Variants in PRMT8 observed in about 807,000 individuals in gnomAD.
PRMT8 encodes protein arginine methyltransferase 8.
In PRMT8, 7 loss-of-function variants were observed where a neutral mutation model predicts 47.1. The ratio of observed to expected loss-of-function variants is 0.15; its 90% CI spans 0.08 to 0.28. The LOEUF is 0.28. PRMT8 is among the 10% of genes least tolerant of loss of function. The probability of loss-of-function intolerance (pLI) is 1.00; values close to 1 mark genes in which losing one functional copy is unlikely to be tolerated. For missense variants in PRMT8, 237 were observed against 505.4 expected, an observed-to-expected ratio of 0.47 and a Z score of 5.09; for synonymous variants, 188 against 186.5, an observed-to-expected ratio of 1.01 and a Z score of -0.07.
At chr12:3,430,584 T>G (rs1236966182) in intron 1 of PRMT8, among the ~76,000 whole-genome samples, 1 of 152,138 alleles carries the variant, frequency 6.6e-6, no homozygotes, top group Non-Finnish European at 1.5e-5. Context: ...AAACCTTAAG[T>G]CTCTTTCCCT....
At chr12:3,429,632 G>C (rs957215284) in intron 1 of PRMT8, among the ~76,000 whole-genome samples, 4 of 152,252 alleles carry the variant, frequency 2.6e-5, no homozygotes, top group Middle Eastern at 3.2e-3. Context: ...CAAAGTGACA[G>C]TACAGGCATG....
rs1431310921 is a variant in PRMT8, at chr12:3,568,802, A to G, written c.578A>G (p.Tyr193Cys). Residue 193 changes from tyrosine to cysteine, a missense_variant, in exon 5 of 10, where the codon TAT becomes TGT. Physicochemically the swap from Tyr to Cys is radical, Grantham distance 194. Transcript: ENST00000382622. ...GAGTGGATGGGCTACTGTCTGTTCTATGAGTCCATGCTCAACACGGTGATC... is the reference window on the plus strand; with the variant it reads ...GAGTGGATGGGCTACTGTCTGTTCTGTGAGTCCATGCTCAACACGGTGATC... ...ISEWMGYCLF[Y>C]ESMLNTVIFA... The G allele has an allele frequency of 1.9e-6, 3 of 1,614,094 alleles. No homozygotes were observed. Among genetic ancestry groups the G allele is most frequent in the Non-Finnish European group, 2.5e-6 (3 of 1,180,050 alleles).
intron 8 of PRMT8, among the ~76,000 whole-genome samples, chr12:3,587,628 T>C (rs1205598710): frequency 6.6e-6 from 1 of 152,166 alleles, no homozygotes; most frequent in Non-Finnish European, 1.5e-5. Context: ...CTGAATTTTG[T>C]GTTCCTTATT....
intron 1 of PRMT8, among the ~76,000 whole-genome samples, chr12:3,412,755 A>G (rs1159105576): frequency 6.6e-6 from 1 of 152,152 alleles, no homozygotes; most frequent in East Asian, 1.9e-4. Flanking sequence ...AGATAACTGA[A>G]TTATGGATGC....
intron 1 of PRMT8, among the ~76,000 whole-genome samples, chr12:3,520,694 A>G (rs943347001): frequency 2.7e-4 from 41 of 152,352 alleles, no homozygotes; most frequent in Admixed American, 8.5e-4. Flanking sequence ...ATCCTTATGT[A>G]AAAAAGGTAA....
chr12:3,429,918 G>A (rs770777047), intron 1 of PRMT8, among the ~76,000 whole-genome samples: 118 of 152,358 alleles, frequency 7.7e-4, no homozygotes, highest in Non-Finnish European at 1.5e-3. Context: ...AGCTGCCTAA[G>A]GGGCTGCCTC....
rs557368336 is a variant in PRMT8 at position 3,415,415 on chromosome 12, C to G, written c.48+33973C>G. Among the ~76,000 whole-genome samples the G allele has an allele frequency of 9.8e-5, 15 of 152,300 alleles. No homozygotes were observed. In the East Asian group the frequency reaches 1.2e-3, roughly 12 times the overall value. On this transcript the variant is annotated intron_variant, in intron 1 of 9. Transcript: ENST00000452611. ...TTAACCTTCAGCCCCTCTCCCTTCC[C>G]TAGAGTCATGAGGTGGGGCTGAAAG...
At chr12:3,530,592 A>G (rs1385925225) in intron 1 of PRMT8, among the ~76,000 whole-genome samples, 1 of 152,162 alleles carries the variant, frequency 6.6e-6, no homozygotes, top group Admixed American at 6.5e-5. Flanking sequence ...TACCTTCCTA[A>G]AGATATCAAT....
chr12:3,559,593 C>T, intron 4 of PRMT8, among the ~76,000 whole-genome samples: 1 of 152,208 alleles, frequency 6.6e-6, no homozygotes, highest in East Asian at 1.9e-4. Flanking sequence ...ATTTCTACCT[C>T]CTTTCTCTAC....
At position 3,540,619 on chromosome 12, in the gene PRMT8, C is replaced by CCG; in HGVS notation, c.90_91insGC (p.Ser31AlafsTer36). The CCG allele has an allele frequency of 1.7e-6, 2 of 1,174,308 alleles. No homozygotes were observed. Among genetic ancestry groups the CCG allele is most frequent in the Non-Finnish European group, 2.5e-6 (2 of 789,590 alleles). The allele number at this position is 1,174,308 out of a possible 1,614,324, so 72.7% of individuals were successfully genotyped here. A position where few individuals can be genotyped will look rare whatever the true frequency, so the allele number is the denominator to read the frequency against. ...TCTTCCCCTCAGGTGAACAGCCCCC[C>CCG]CTCCCAGCCCCCCCAGCCCGTCGTC... On this transcript the variant is annotated frameshift_variant, in exon 2 of 10. Transcript: ENST00000382622. LOFTEE classifies it high-confidence loss of function.
At position 3,392,894 on chromosome 12, in the gene PRMT8, G is replaced by A. The variant is rs956514510; in HGVS notation, c.48+11452G>A. Among the ~76,000 whole-genome samples, 82 of 152,126 alleles carry A rather than the reference G, an allele frequency of 5.4e-4. 2 individuals are homozygous for A. The highest frequency in any genetic ancestry group is 1.3e-4 in the Non-Finnish European group (9 of 68,024). ...ACTTGATGTTTCCTGACTTTTTAAT[G>A]ATCGCCATTCTAACTGGTGTGAGAT... On this transcript the variant is annotated intron_variant, in intron 1 of 9. Coordinates refer to the PRMT8 transcript ENST00000452611.
At chr12:3,382,595 C>A (rs116718321) in intron 1 of PRMT8, among the ~76,000 whole-genome samples, 2,010 of 152,016 alleles carry the variant, frequency 0.013, 42 homozygotes, top group African/African-American at 0.046. Flanking sequence ...TTTAAGAGTT[C>A]TTATGTATTA....
At chr12:3,404,278 G>T (rs1436408737) in intron 1 of PRMT8, among the ~76,000 whole-genome samples, 2 of 151,912 alleles carry the variant, frequency 1.3e-5, no homozygotes, top group African/African-American at 2.4e-5. Context: ...AAACATTTTA[G>T]CTTCCTTCAA....
At chr12:3,592,542 G>A (rs561649734) in intron 9 of PRMT8, among the ~76,000 whole-genome samples, 190 bp downstream of exon 9, 57 of 152,166 alleles carry the variant, frequency 3.7e-4, no homozygotes, top group African/African-American at 1.3e-3. Context: ...TCAAAACTCC[G>A]CAAATAGAGG....
At chr12:3,532,206 T>C (rs1866041977) in intron 1 of PRMT8, among the ~76,000 whole-genome samples, 1 of 151,248 alleles carries the variant, frequency 6.6e-6, no homozygotes, top group Middle Eastern at 3.2e-3. Flanking sequence ...CAGCCATAAA[T>C]GTGATAGTAG....
upstream of PRMT8, among the ~76,000 whole-genome samples, chr12:3,486,594 G>T (rs1378338608): frequency 6.6e-6 from 1 of 152,132 alleles, no homozygotes; most frequent in Admixed American, 6.5e-5. Context: ...CTTAATGAAA[G>T]ATTTAAAAAG....
intron 1 of PRMT8, 123 bp downstream of exon 1, chr12:3,491,823 G>T: frequency 9.2e-7 from 1 of 1,083,834 alleles, no homozygotes; most frequent in Non-Finnish European, 1.3e-6. Flanking sequence ...CGCTTCTGCC[G>T]GCCTCCTCCT....
At chr12:3,447,432 G>T (rs1864869968) in intron 1 of PRMT8, among the ~76,000 whole-genome samples, 1 of 152,068 alleles carries the variant, frequency 6.6e-6, no homozygotes, top group Admixed American at 6.6e-5. Flanking sequence ...ACTCCATGCT[G>T]GTTCTCACCT....
At chr12:3,429,569 T>C (rs576291284) in intron 1 of PRMT8, among the ~76,000 whole-genome samples, 1 of 151,886 alleles carries the variant, frequency 6.6e-6, no homozygotes, top group Non-Finnish European at 1.5e-5. Flanking sequence ...CCAAGCCAGG[T>C]CAAAACCAAA....
Sources: gnomAD v4.1 joint callset for allele counts (sites outside exome capture counted in the v4.1 genomes callset) on GRCh38, gnomAD v4.1.1 for gene constraint, MANE v1.5 for transcripts, NCBI Gene and HGNC (gene_info 2026-07-23, HGNC 2026-07-21) for gene names.